CCL17: variants seen among roughly 807,000 people sequenced by gnomAD.
CCL17 encodes C-C motif chemokine ligand 17.
In CCL17, 8 loss-of-function variants were observed where a neutral mutation model predicts 7.4. The observed-to-expected ratio is 1.09, with a 90% CI of 0.64 to 1.96. The LOEUF (loss-of-function observed/expected upper bound fraction) is 1.96, where lower values mean the gene tolerates loss of function less well. Among genes scored for constraint, CCL17 ranks in the 30% most tolerant of loss-of-function variants. CCL17 has a pLI of 0.00. For synonymous variants in CCL17, 40 were observed against 46.1 expected (o/e 0.87, Z 0.54); for missense variants, 102 against 113.0 (o/e 0.90, Z 0.44).
intron 1 of CCL17, among the ~76,000 whole-genome samples, chr16:57,405,714 G>GA (rs1308027534): frequency 6.6e-6 from 1 of 152,006 alleles, no homozygotes; most frequent in African/African-American, 2.4e-5. Context: ...TTAGTTACTG[G>GA]TCAGGGCTGG....
chr16:57,402,393 T>C (rs1324931685), upstream of CCL17, among the ~76,000 whole-genome samples: 1 of 152,192 alleles, frequency 6.6e-6, no homozygotes, highest in South Asian at 2.1e-4. Context: ...GGATGCTGGG[T>C]GCTTGTCACT....
intron 2 of CCL17, among the ~76,000 whole-genome samples, chr16:57,414,612 G>A (rs890403599): frequency 1.3e-5 from 2 of 151,902 alleles, no homozygotes; most frequent in Non-Finnish European, 2.9e-5. Flanking sequence ...GGTCAGGCTG[G>A]TCTCGAACTC....
Position 57,414,021 on chromosome 16 carries a change from T to A in CCL17, c.70+19T>A, listed in dbSNP as rs1194401563. On this transcript the variant is annotated intron_variant, in intron 2 of 3. Transcript: ENST00000219244. ...CACGCAGGTGAGAGCAGGGGACAGGTGGCCAGGGGCAGGCACCGGGAGGAC... is the reference window on the plus strand; with the variant it reads ...CACGCAGGTGAGAGCAGGGGACAGGAGGCCAGGGGCAGGCACCGGGAGGAC... The A allele has an allele frequency of 5.0e-6, 8 of 1,605,318 alleles. No homozygotes were observed. Among genetic ancestry groups the A allele is most frequent in the Non-Finnish European group, 6.8e-6 (8 of 1,175,316 alleles).
upstream of CCL17, among the ~76,000 whole-genome samples, chr16:57,402,315 A>G (rs1432151062): frequency 1.3e-5 from 2 of 152,140 alleles, no homozygotes; most frequent in Non-Finnish European, 2.9e-5. Flanking sequence ...AGTGGCTGAG[A>G]TTCCCAAGGC....
In CCL17 at chr16:57,415,256, C is replaced by A; in HGVS notation, c.188+58C>A. 8.7e-7 allele frequency: 1 copy of A among 1,146,838 alleles called. No individual in the cohort carries two copies. Among genetic ancestry groups the A allele is most frequent in the Non-Finnish European group, 1.3e-6 (1 of 755,122 alleles). 71.0% of individuals were successfully genotyped at this position (1,146,838 alleles called of 1,614,324 possible). A position where few individuals can be genotyped will look rare whatever the true frequency, so the allele number is the denominator to read the frequency against. ...GGGCCAAGCATGGGGACAAGTGCACCCTGGAGCTCCCAGGACGGCCAATGG... is the reference window on the plus strand; with the variant it reads ...GGGCCAAGCATGGGGACAAGTGCACACTGGAGCTCCCAGGACGGCCAATGG... On this transcript the variant is annotated intron_variant, in intron 3 of 3. Coordinates refer to ENST00000219244, the MANE Select transcript of CCL17 (RefSeq NM_002987.3). This position sits in a 1 kb window ranked among gnomAD's most constrained non-coding sequence, Gnocchi z 4.5.
At position 57,415,747 on chromosome 16, in the gene CCL17, C is replaced by T. The variant is rs202021966; in HGVS notation, c.189-18C>T. On this transcript the variant is annotated intron_variant, in intron 3 of 3. Coordinates refer to ENST00000219244, the MANE Select transcript of CCL17 (RefSeq NM_002987.3). This position sits in a 1 kb window ranked among gnomAD's most constrained non-coding sequence, Gnocchi z 4.5. ...CTTCCCCCCCTGCCACTCCTGGTAA[C>T]GTCCTCCTTCTGTGTAGTTTTGTAA... 3.0e-5 allele frequency: 46 copies of T among 1,554,354 alleles called. No homozygotes were observed. Among genetic ancestry groups the T allele is most frequent in the Middle Eastern group, 1.7e-4 (1 of 5,818 alleles).
chr16:57,414,577 G>A (rs572149285), intron 2 of CCL17, among the ~76,000 whole-genome samples: 3 of 151,796 alleles, frequency 2.0e-5, no homozygotes, highest in South Asian at 4.2e-4. Flanking sequence ...CGGCCACCAC[G>A]CCACCAATGG....
the CCL17 span, among the ~76,000 whole-genome samples, chr16:57,397,351 T>C: frequency 6.6e-6 from 1 of 152,222 alleles, no homozygotes; most frequent in Admixed American, 6.5e-5. Flanking sequence ...CTGGCTGCCC[T>C]CTTCTGTCGT....
the CCL17 span, among the ~76,000 whole-genome samples, chr16:57,398,097 G>T: frequency 6.6e-6 from 1 of 152,220 alleles, no homozygotes; most frequent in South Asian, 2.1e-4. Flanking sequence ...CCCTCAAGGA[G>T]TAGCACCTGG....
At chr16:57,407,179 C>G (rs1902708910) in intron 1 of CCL17, among the ~76,000 whole-genome samples, 1 of 152,022 alleles carries the variant, frequency 6.6e-6, no homozygotes, top group African/African-American at 2.4e-5. Context: ...ATGTTGTCAG[C>G]AGAGGGAAAG....
chr16:57,407,700 A>C (rs892998259), intron 1 of CCL17, among the ~76,000 whole-genome samples: 13 of 151,792 alleles, frequency 8.6e-5, no homozygotes, highest in Non-Finnish European at 1.5e-4. Flanking sequence ...AGTTTCATGC[A>C]TCCATCCATC....
chr16:57,400,156 G>A (rs1413586493), upstream of CCL17, among the ~76,000 whole-genome samples: 2 of 152,094 alleles, frequency 1.3e-5, no homozygotes, highest in African/African-American at 2.4e-5. Context: ...TCAGGAGATC[G>A]AGACCATCCT....
upstream of CCL17, among the ~76,000 whole-genome samples, chr16:57,400,145 G>A (rs1902571391): frequency 6.6e-6 from 1 of 151,974 alleles, no homozygotes; most frequent in Non-Finnish European, 1.5e-5. Context: ...GGATCACGAG[G>A]TCAGGAGATC....
upstream of CCL17, among the ~76,000 whole-genome samples, chr16:57,404,006 A>T (rs1215930281): frequency 1.3e-5 from 2 of 152,164 alleles, no homozygotes; most frequent in East Asian, 1.9e-4. Flanking sequence ...GTATCTGGGG[A>T]CAACATTCCA....
intron 1 of CCL17, among the ~76,000 whole-genome samples, chr16:57,413,060 C>T (rs776065623): frequency 7.2e-5 from 11 of 152,176 alleles, no homozygotes; most frequent in Non-Finnish European, 1.5e-4. Flanking sequence ...CCTGACCAGG[C>T]GTCCAGTACT....
upstream of CCL17, among the ~76,000 whole-genome samples, chr16:57,402,231 C>T (rs1902603464): frequency 6.6e-6 from 1 of 152,122 alleles, no homozygotes; most frequent in Admixed American, 6.5e-5. Flanking sequence ...GAGCCATGAC[C>T]CAGGTGGCAT....
intron 1 of CCL17, among the ~76,000 whole-genome samples, chr16:57,407,364 G>C (rs556544582): frequency 6.6e-6 from 1 of 152,314 alleles, no homozygotes; most frequent in East Asian, 1.9e-4. Context: ...GGAGGAGTCA[G>C]GGTGTCCTTG....
At chr16:57,404,436 G>C (rs1902665732), upstream of CCL17, among the ~76,000 whole-genome samples, 1 of 152,134 alleles carries the variant, frequency 6.6e-6, no homozygotes. Flanking sequence ...AGGCGTCAGG[G>C]ATAGCGCCCA....
At chr16:57,402,708 G>A (rs939139680), upstream of CCL17, among the ~76,000 whole-genome samples, 1 of 152,090 alleles carries the variant, frequency 6.6e-6, no homozygotes, top group Non-Finnish European at 1.5e-5. Flanking sequence ...CAGAAGTCCT[G>A]GAGCCCAGGC....
Sources: allele counts gnomAD v4.1 joint callset (sites outside exome capture counted in the v4.1 genomes callset), GRCh38; gene constraint gnomAD v4.1.1; non-coding constraint Gnocchi (gnomAD v3.1); transcripts MANE v1.5; gene names NCBI Gene and HGNC (gene_info 2026-07-23, HGNC 2026-07-21).